Variants in SNRPC observed in about 807,000 individuals in gnomAD.
The protein encoded by SNRPC is U1 small nuclear ribonucleoprotein C.
A neutral mutation model predicts 20.0 loss-of-function variants in SNRPC; 5 were observed. The ratio of observed to expected loss-of-function variants is 0.25; its 90% CI spans 0.13 to 0.53. The LOEUF (loss-of-function observed/expected upper bound fraction) is 0.53. Ranked by LOEUF, SNRPC falls within the 20% of genes least tolerant of loss-of-function variation. SNRPC has a pLI of 0.96. For missense variants in SNRPC, 112 were observed against 224.1 expected (o/e 0.50, Z 3.19); for synonymous variants, 61 against 58.7 (o/e 1.04, Z -0.18).
At chr6:34,762,732 G>T (rs1390994073) in intron 3 of SNRPC, 29 bp downstream of exon 3, 1 of 1,156,752 alleles carries the variant, frequency 8.6e-7, no homozygotes, top group South Asian at 1.2e-5. Context: ...TTCTGCTGTG[G>T]TAAAATGGTC....
At chr6:34,760,364 G>A (rs984614165) in intron 2 of SNRPC, among the ~76,000 whole-genome samples, 5 of 152,008 alleles carry the variant, frequency 3.3e-5, no homozygotes, top group Non-Finnish European at 7.4e-5. Flanking sequence ...GTGAGTCACT[G>A]TGTCCGGCCA....
intron 3 of SNRPC, 130 bp from the exon 4 acceptor site, chr6:34,767,777 AT>A (rs1486726437): frequency 2.2e-6 from 2 of 910,298 alleles, no homozygotes; most frequent in Admixed American, 3.5e-5. Flanking sequence ...TGATGTAATA[AT>A]TTTAGATGAC....
chr6:34,769,722 A>C (rs912777653), intron 4 of SNRPC, among the ~76,000 whole-genome samples: 1 of 151,978 alleles, frequency 6.6e-6, no homozygotes, highest in South Asian at 2.1e-4. Context: ...TTGTTTTTTT[A>C]AATTAAAATC....
intron 4 of SNRPC, among the ~76,000 whole-genome samples, chr6:34,768,249 C>A (rs555092901): frequency 6.6e-6 from 1 of 152,014 alleles, no homozygotes; most frequent in African/African-American, 2.4e-5. Flanking sequence ...TTGTGGAATC[C>A]CAAGTGTGGA....
chr6:34,763,657 G>C (rs2127406395), intron 3 of SNRPC, among the ~76,000 whole-genome samples: 1 of 145,834 alleles, frequency 6.9e-6, no homozygotes, highest in South Asian at 2.2e-4. Flanking sequence ...CTCCAGCCTG[G>C]GTGAGAGAGT....
chr6:34,767,506 C>T (rs1463165573), intron 3 of SNRPC, among the ~76,000 whole-genome samples: 4 of 152,084 alleles, frequency 2.6e-5, no homozygotes, highest in Admixed American at 1.3e-4. Context: ...TGTAGCTACT[C>T]GGGAGGATGA....
intron 2 of SNRPC, among the ~76,000 whole-genome samples, chr6:34,760,553 T>C (rs1764522968): frequency 6.6e-6 from 1 of 152,156 alleles, no homozygotes; most frequent in African/African-American, 2.4e-5. Context: ...TTCTGCCCTT[T>C]TTTGGCATTA....
In SNRPC at chr6:34,762,549, G is replaced by A. The variant is rs765198433; in HGVS notation, c.52-46G>A. 3.9e-6 allele frequency: 4 copies of A among 1,015,386 alleles called. No individual in the cohort carries two copies. The Admixed American group carries it at 5.6e-5, about 14-fold the overall frequency. 62.9% of individuals were successfully genotyped at this position (1,015,386 alleles called of 1,614,324 possible). ...GGTAAAACTTTATTAAATTTTTAGT[G>A]TTGGACATTTGTTTCTACGTCTGAT... On this transcript the variant is annotated intron_variant, in intron 2 of 5. Coordinates refer to ENST00000244520, the MANE Select transcript of SNRPC (RefSeq NM_003093.3).
At chr6:34,764,956 G>C (rs1203440992) in intron 3 of SNRPC, among the ~76,000 whole-genome samples, 1 of 152,118 alleles carries the variant, frequency 6.6e-6, no homozygotes, top group African/African-American at 2.4e-5. Context: ...GGGAGGTGGA[G>C]GTTGCAGTGA....
rs1475640480 is a variant in SNRPC, at chr6:34,764,371, G to A, written c.160+1668G>A. ...CATGCCTGTAATCCCAGCTACTTGG[G>A]AGGCTGAGGCAGGAGAATTGCTTGA... On this transcript the variant is annotated intron_variant, in intron 3 of 5. Coordinates refer to ENST00000244520, the MANE Select transcript of SNRPC (RefSeq NM_003093.3). Among the ~76,000 whole-genome samples, 27 of 152,170 alleles carry A rather than the reference G, an allele frequency of 1.8e-4. No individual in the cohort carries two copies. In the South Asian group the frequency reaches 5.6e-3, roughly 32 times the overall value.
At chr6:34,766,041 C>T (rs951450714) in intron 3 of SNRPC, among the ~76,000 whole-genome samples, 18 of 151,818 alleles carry the variant, frequency 1.2e-4, no homozygotes, top group African/African-American at 4.4e-4. Context: ...ACACCTGCCC[C>T]ATTGTCCCAT....
chr6:34,769,601 A>C (rs971389928), intron 4 of SNRPC, among the ~76,000 whole-genome samples: 4 of 152,064 alleles, frequency 2.6e-5, no homozygotes, highest in African/African-American at 9.7e-5. Context: ...ATCTTTTAAA[A>C]CCATGTTTTC....
intron 3 of SNRPC, among the ~76,000 whole-genome samples, chr6:34,766,145 T>C (rs1581591669): frequency 6.6e-6 from 1 of 152,248 alleles, no homozygotes; most frequent in Admixed American, 6.5e-5. Flanking sequence ...CAGTATATTC[T>C]GTAGTTACTT....
chr6:34,763,996 T>C (rs951353424), intron 3 of SNRPC, among the ~76,000 whole-genome samples: 15 of 149,962 alleles, frequency 1.0e-4, no homozygotes, highest in Admixed American at 1.0e-3. Flanking sequence ...ATTACAGGCG[T>C]GAGCCACCAT....
At chr6:34,770,504 G>T in intron 5 of SNRPC, 109 bp downstream of exon 5, 1 of 686,104 alleles carries the variant, frequency 1.5e-6, no homozygotes, top group African/African-American at 1.8e-5. Context: ...CTTGAAAATG[G>T]GGAGTTGTGC....
intron 3 of SNRPC, among the ~76,000 whole-genome samples, chr6:34,766,847 TTGA>T (rs1448146490): frequency 6.6e-6 from 1 of 152,216 alleles, no homozygotes; most frequent in Non-Finnish European, 1.5e-5. Context: ...TTATCAATAA[TTGA>T]TGAGTAATTT....
intron 3 of SNRPC, 57 bp from the exon 4 acceptor site, chr6:34,767,851 C>T (rs143415813): frequency 4.7e-6 from 7 of 1,501,638 alleles, no homozygotes; most frequent in African/African-American, 2.9e-5. Context: ...ATTTTAGTTA[C>T]TGGATTGTTG....
intron 3 of SNRPC, among the ~76,000 whole-genome samples, chr6:34,766,187 A>C (rs1178074195): frequency 1.3e-5 from 2 of 152,134 alleles, no homozygotes; most frequent in African/African-American, 4.8e-5. Context: ...TAGGATGAAT[A>C]AACTTTTTTT....
chr6:34,763,677 T>C (rs1416274526), intron 3 of SNRPC, among the ~76,000 whole-genome samples: 1 of 84,176 alleles, frequency 1.2e-5, no homozygotes, highest in African/African-American at 7.6e-5. Context: ...TGAGACTGTC[T>C]CAAAAAAAAA....
Sources: allele counts gnomAD v4.1 joint callset (sites outside exome capture counted in the v4.1 genomes callset), GRCh38; gene constraint gnomAD v4.1.1; transcripts MANE v1.5; gene names NCBI Gene and HGNC (gene_info 2026-07-23, HGNC 2026-07-21).